Variants in DPYS observed in about 807,000 individuals in gnomAD.
The protein encoded by DPYS is dihydropyrimidine amidohydrolase.
Under a neutral mutation model 50.3 loss-of-function variants are expected in DPYS, and 39 were observed. That is an observed-to-expected ratio of 0.78 (90% CI 0.60 to 1.01). DPYS has a LOEUF of 1.01. Among genes scored for constraint, DPYS ranks in the 50% least tolerant of loss-of-function variants. The pLI is 0.00. For synonymous variants in DPYS, 245 were observed against 250.7 expected (o/e 0.98, Z 0.22); for missense variants, 659 against 680.9 (o/e 0.97, Z 0.36).
intron 4 of DPYS, among the ~76,000 whole-genome samples, chr8:104,435,422 TG>T (rs1260476933): frequency 2.0e-5 from 3 of 152,114 alleles, no homozygotes; most frequent in South Asian, 4.2e-4. Context: ...TCTGCAAAAG[TG>T]TCTTCTCACA....
At chr8:104,385,892 T>C (rs1426882243) in intron 8 of DPYS, among the ~76,000 whole-genome samples, 1 of 152,180 alleles carries the variant, frequency 6.6e-6, no homozygotes, top group Non-Finnish European at 1.5e-5. Flanking sequence ...CTTCATAGCA[T>C]CCTGAAATGT....
chr8:104,390,405 C>CATATAAGCAGGGTT (rs1811349596), intron 8 of DPYS, among the ~76,000 whole-genome samples: 1 of 152,066 alleles, frequency 6.6e-6, no homozygotes, highest in South Asian at 2.1e-4. Context: ...TTTTTGGAAT[C>CATATAAGCAGGGTT]ATATAAGCAG....
chr8:104,383,667 T>G (rs1427266685), intron 8 of DPYS, among the ~76,000 whole-genome samples: 1 of 151,232 alleles, frequency 6.6e-6, no homozygotes, highest in Non-Finnish European at 1.5e-5. Context: ...AGTGGCACAA[T>G]GTTGGCTCAC....
chr8:104,424,450 A>G, intron 6 of DPYS, 61 bp from the exon 7 acceptor site: 1 of 1,557,926 alleles, frequency 6.4e-7, no homozygotes, highest in East Asian at 2.3e-5. Flanking sequence ...CCTATCGATA[A>G]AATGACAAGA....
chr8:104,430,364 A>G (rs533905088), intron 4 of DPYS, among the ~76,000 whole-genome samples: 1 of 78,664 alleles, frequency 1.3e-5, no homozygotes, highest in Non-Finnish European at 2.8e-5. Context: ...TGAGGCCATC[A>G]AAAAAAAAAG....
At chr8:104,399,587 C>A (rs1811718421) in intron 7 of DPYS, among the ~76,000 whole-genome samples, 1 of 151,814 alleles carries the variant, frequency 6.6e-6, no homozygotes, top group South Asian at 2.1e-4. Flanking sequence ...TACTTTCCTG[C>A]AGCTGCGTGC....
intron 2 of DPYS, among the ~76,000 whole-genome samples, chr8:104,450,480 A>G (rs140895372): frequency 6.6e-6 from 1 of 152,346 alleles, no homozygotes; most frequent in Non-Finnish European, 1.5e-5. Flanking sequence ...ATGTGGAAAA[A>G]CATGTTGCAA....
intron 7 of DPYS, among the ~76,000 whole-genome samples, chr8:104,403,103 C>G (rs755165443): frequency 2.0e-4 from 31 of 152,210 alleles, no homozygotes; most frequent in African/African-American, 7.0e-4. Flanking sequence ...TCTTCTGGTC[C>G]GTGTTTGTTG....
At chr8:104,381,781 TG>T (rs1294596798) in intron 8 of DPYS, among the ~76,000 whole-genome samples, 1 of 151,926 alleles carries the variant, frequency 6.6e-6, no homozygotes, top group Non-Finnish European at 1.5e-5. Flanking sequence ...ACCTCGTTGG[TG>T]ACCGACTATG....
chr8:104,398,882 T>C (rs1588408059), intron 7 of DPYS, among the ~76,000 whole-genome samples: 2 of 152,126 alleles, frequency 1.3e-5, no homozygotes, highest in Non-Finnish European at 1.5e-5. Flanking sequence ...GCAGCTGAGG[T>C]GCAGGTGTGA....
chr8:104,453,871 T>C (rs1813839142), intron 1 of DPYS, among the ~76,000 whole-genome samples: 1 of 152,168 alleles, frequency 6.6e-6, no homozygotes, highest in African/African-American at 2.4e-5. Flanking sequence ...TAAAAGGAAA[T>C]GAAGTACTGA....
At chr8:104,456,630 G>C (rs1413359232) in intron 1 of DPYS, among the ~76,000 whole-genome samples, 1 of 152,208 alleles carries the variant, frequency 6.6e-6, no homozygotes, top group East Asian at 1.9e-4. Flanking sequence ...ATTTCTCTCA[G>C]ATAGCTACAT....
At chr8:104,413,546 T>C (rs1207138068) in intron 7 of DPYS, among the ~76,000 whole-genome samples, 2 of 152,102 alleles carry the variant, frequency 1.3e-5, no homozygotes, top group Non-Finnish European at 2.9e-5. Flanking sequence ...TTATGGACGT[T>C]GTAAGTTACT....
intron 1 of DPYS, among the ~76,000 whole-genome samples, chr8:104,463,650 T>C (rs999754250): frequency 2.0e-5 from 3 of 152,212 alleles, no homozygotes; most frequent in Non-Finnish European, 2.9e-5. Context: ...TTTTGGAAGA[T>C]AATGCACAAC....
intron 7 of DPYS, chr8:104,423,856 C>A (rs1812633064): frequency 1.7e-6 from 1 of 596,830 alleles, no homozygotes; most frequent in Non-Finnish European, 2.1e-6. Context: ...TGGAATTTTT[C>A]TATCTGAAAG....
Position 104,392,795 on chromosome 8 carries a change from G to A in DPYS, c.1432C>T (p.Gln478Ter). 1 of 1,614,104 alleles carries A rather than the reference G, an allele frequency of 6.2e-7. No homozygotes were observed. The highest frequency in any genetic ancestry group is 8.5e-7 in the Non-Finnish European group (1 of 1,179,998). ...TGTGGCACACTCACCCGGTCTCGCTGCTTTATTCGTTTGTAAATATATTCA... is the reference window on the plus strand; with the variant it reads ...TGTGGCACACTCACCCGGTCTCGCTACTTTATTCGTTTGTAAATATATTCA... Reference protein sequence around the residue: ...FAEYIYKRIKQRDRTCTPTPV... With the variant: ...FAEYIYKRIK The change falls in exon 8 of 10, where the codon CAG (glutamine) becomes TAG (stop). Residue 478 changes from glutamine to a stop codon, truncating the protein, a stop_gained. Coordinates refer to ENST00000351513, the MANE Select transcript of DPYS (RefSeq NM_001385.3). LOFTEE classifies it high-confidence loss of function.
chr8:104,395,496 C>A (rs1471879729), intron 7 of DPYS, among the ~76,000 whole-genome samples: 1 of 152,180 alleles, frequency 6.6e-6, no homozygotes, highest in Non-Finnish European at 1.5e-5. Flanking sequence ...ACCTGGCAAC[C>A]ACTGATCTAT....
chr8:104,452,555 G>C (rs1294164391), intron 1 of DPYS, among the ~76,000 whole-genome samples: 1 of 152,212 alleles, frequency 6.6e-6, no homozygotes, highest in Non-Finnish European at 1.5e-5. Flanking sequence ...TATACAGAGT[G>C]CTTAGGTCCA....
intron 2 of DPYS, among the ~76,000 whole-genome samples, chr8:104,449,829 A>G (rs1455755398): frequency 1.3e-5 from 2 of 152,146 alleles, no homozygotes; most frequent in Non-Finnish European, 2.9e-5. Context: ...CTCAGAAGGA[A>G]CCAACCCTGC....
Sources: allele counts gnomAD v4.1 joint callset (sites outside exome capture counted in the v4.1 genomes callset), GRCh38; gene constraint gnomAD v4.1.1; transcripts MANE v1.5; gene names NCBI Gene and HGNC (gene_info 2026-07-23, HGNC 2026-07-21).